The following PPP1R12A variants were observed in gnomAD, a reference collection of about 807,000 sequenced individuals.
PPP1R12A encodes myosin binding subunit.
Under a neutral mutation model 139.6 loss-of-function variants are expected in PPP1R12A, and 19 were observed. The ratio of observed to expected loss-of-function variants is 0.14; its 90% CI spans 0.09 to 0.20. PPP1R12A has a LOEUF of 0.20. Among genes scored for constraint, PPP1R12A ranks in the 10% least tolerant of loss-of-function variants. PPP1R12A has a pLI of 1.00. For missense variants in PPP1R12A, 925 were observed against 1,211.5 expected (o/e 0.76, Z 3.51); for synonymous variants, 427 against 420.6 (o/e 1.02, Z -0.19).
chr12:79,869,970 C>T (rs1882398403), intron 2 of PPP1R12A, among the ~76,000 whole-genome samples: 2 of 151,262 alleles, frequency 1.3e-5, no homozygotes, highest in Admixed American at 1.3e-4. Context: ...AAACACTGAT[C>T]TGTGGACTAT....
At chr12:79,857,059 T>A (rs1200317522) in intron 2 of PPP1R12A, among the ~76,000 whole-genome samples, 2 of 152,238 alleles carry the variant, frequency 1.3e-5, no homozygotes, top group Non-Finnish European at 2.9e-5. Context: ...ATGCTCATCC[T>A]TTTCCAGCCA....
At chr12:79,865,002 A>AGTCT (rs1345039675) in intron 2 of PPP1R12A, among the ~76,000 whole-genome samples, 2 of 152,218 alleles carry the variant, frequency 1.3e-5, no homozygotes, top group African/African-American at 4.8e-5. Flanking sequence ...AAAGCCTGGC[A>AGTCT]GAGACACAAC....
intron 14 of PPP1R12A, among the ~76,000 whole-genome samples, chr12:79,804,412 A>G (rs1454453265): frequency 1.3e-5 from 2 of 152,126 alleles, no homozygotes; most frequent in African/African-American, 2.4e-5. Context: ...GTACCACTAA[A>G]TTTCACCATA....
intron 17 of PPP1R12A, among the ~76,000 whole-genome samples, chr12:79,796,319 GAGAA>G (rs1463444805): frequency 2.0e-5 from 3 of 152,010 alleles, no homozygotes; most frequent in Non-Finnish European, 4.4e-5. Flanking sequence ...ATATATAGTT[GAGAA>G]AGAAATGTAT....
Position 79,845,417 on chromosome 12 carries a change from A to T in PPP1R12A, c.372T>A (p.Phe124Leu). The change falls in exon 3 of 25, where the codon TTT (phenylalanine) becomes TTA (leucine). Residue 124 changes from phenylalanine (F) to leucine (L), a missense_variant. By Grantham distance (22) the Phe-to-Leu change is conservative. Coordinates refer to ENST00000450142, the MANE Select transcript of PPP1R12A (RefSeq NM_002480.3). Reference sequence around the variant, plus strand: ...CTACATGTGCTCCTTGACCAATCAAAAACCTGTAAAACCAAAGGAAAAATA... The same window carrying T: ...CTACATGTGCTCCTTGACCAATCAATAACCTGTAAAACCAAAGGAAAAATA... ...ASCGYLDIAE[F>L]LIGQGAHVGA... The T allele has an allele frequency of 6.3e-7, 1 of 1,593,862 alleles. No homozygotes were observed. The highest frequency in any genetic ancestry group is 8.6e-7 in the Non-Finnish European group (1 of 1,165,754).
At chr12:79,862,647 CA>C (rs1881476411) in intron 2 of PPP1R12A, among the ~76,000 whole-genome samples, 2 of 152,146 alleles carry the variant, frequency 1.3e-5, no homozygotes, top group African/African-American at 4.8e-5. Context: ...CTGAAAACCA[CA>C]GTACGAGAAC....
At chr12:79,860,695 G>A (rs535980520) in intron 2 of PPP1R12A, among the ~76,000 whole-genome samples, 3 of 152,152 alleles carry the variant, frequency 2.0e-5, no homozygotes, top group South Asian at 2.1e-4. Flanking sequence ...AGTATTTTAC[G>A]TAAATTATAA....
At chr12:79,806,521 G>A (rs1350361825) in intron 12 of PPP1R12A, among the ~76,000 whole-genome samples, 188 bp from the exon 13 acceptor site, 2 of 152,044 alleles carry the variant, frequency 1.3e-5, no homozygotes, top group Non-Finnish European at 2.9e-5. Flanking sequence ...CACTTAATTC[G>A]GTAGTGTATC....
intron 1 of PPP1R12A, among the ~76,000 whole-genome samples, chr12:79,903,450 C>CA (rs35870019): frequency 0.24 from 32,469 of 133,776 alleles, 5,861 homozygotes; most frequent in East Asian, 0.63. Context: ...GACTCCATCT[C>CA]AAAAAAAAAA....
intron 2 of PPP1R12A, among the ~76,000 whole-genome samples, chr12:79,857,773 T>C (rs1343520937): frequency 1.3e-5 from 2 of 152,066 alleles, no homozygotes; most frequent in Non-Finnish European, 2.9e-5. Flanking sequence ...TGAGAATCTA[T>C]GTTGCAGTCA....
chr12:79,934,726 G>C lies in PPP1R12A; in HGVS notation c.206C>G (p.Ala69Gly), dbSNP rs1316566958. The stretch of plus-strand genomic sequence containing the variant: ...CAGGGCAGTGAGTCCGTCCACATTG[G>C]CGTAATTGATGTCGGCGCCGCGGTG... ...LLHRGADINY[A>G]NVDGLTALHQ... Residue 69 changes from alanine (A) to glycine (G), a missense_variant, in exon 1 of 25, where the codon GCC becomes GGC. Physicochemically the swap from Ala to Gly is moderately conservative, Grantham distance 60. Around this residue, in one of 4 missense-constraint regions of PPP1R12A, gnomAD observed 199 missense variants for 352.4 expected, o/e 0.56. Transcript: ENST00000450142. 3 of 1,548,946 alleles carry C rather than the reference G, an allele frequency of 1.9e-6. No homozygotes were observed. Among genetic ancestry groups the C allele is most frequent in the South Asian group, 2.4e-5 (2 of 83,910 alleles).
In PPP1R12A at chr12:79,834,503, G is replaced by A. The variant is rs535826615; in HGVS notation, c.488-2012C>T. Among the ~76,000 whole-genome samples, 8 of 152,330 alleles carry A rather than the reference G, an allele frequency of 5.3e-5. No homozygotes were observed. In the South Asian group the frequency reaches 1.7e-3, roughly 32 times the overall value. On this transcript the variant is annotated intron_variant, in intron 3 of 24. Transcript: ENST00000450142. ...AACAAGGGTGGTAGCAGTGCAGACA[G>A]TAAAGTGGTTGAATTCTGGGTTTTT...
rs142638789 is a variant in PPP1R12A, at chr12:79,862,408, C to T, written c.368+10400G>A. Reference sequence around the variant, plus strand: ...AATTCTAAAAACCAGAGCACCTCTACTCCTCCAAAGGAACACAACTCCTCA... The same window carrying T: ...AATTCTAAAAACCAGAGCACCTCTATTCCTCCAAAGGAACACAACTCCTCA... On this transcript the variant is annotated intron_variant, in intron 2 of 24. Coordinates refer to ENST00000450142, the MANE Select transcript of PPP1R12A (RefSeq NM_002480.3). Among the ~76,000 whole-genome samples the T allele has an allele frequency of 4.2e-3, 639 of 152,302 alleles. 2 individuals carry two copies. Among genetic ancestry groups the T allele is most frequent in the African/African-American group, 0.015 (608 of 41,566 alleles).
intron 1 of PPP1R12A, among the ~76,000 whole-genome samples, chr12:79,884,754 C>T (rs892536689): frequency 2.6e-5 from 4 of 152,114 alleles, no homozygotes; most frequent in African/African-American, 9.7e-5. Flanking sequence ...AGAACAATTA[C>T]CAATAATAAA....
rs59586178 is a variant in PPP1R12A at position 79,917,483 on chromosome 12, CAAA to C, written c.237+17209_237+17211del. Among the ~76,000 whole-genome samples, 485 of 78,890 alleles carry C rather than the reference CAAA, an allele frequency of 6.1e-3. 2 individuals carry two copies. Among genetic ancestry groups the C allele is most frequent in the South Asian group, 0.013 (31 of 2,438 alleles). The allele number at this position is 78,890 out of a possible 152,430, so 51.8% of individuals were successfully genotyped here. The stretch of plus-strand genomic sequence containing the variant: ...CTGGTGACGGAGCGAGACTCTGTCT[CAAA>C]AAAAAAAAAAAAAAAAAAAGAGTTT... On this transcript the variant is annotated intron_variant, in intron 1 of 24. Coordinates refer to ENST00000450142, the MANE Select transcript of PPP1R12A (RefSeq NM_002480.3).
intron 1 of PPP1R12A, among the ~76,000 whole-genome samples, chr12:79,902,553 A>C (rs181793312): frequency 2.9e-4 from 44 of 152,164 alleles, no homozygotes; most frequent in African/African-American, 1.0e-3. Flanking sequence ...TTTTAAATGG[A>C]TATTGGCCTT....
At chr12:79,896,572 A>T (rs1351097104) in intron 1 of PPP1R12A, among the ~76,000 whole-genome samples, 1 of 152,132 alleles carries the variant, frequency 6.6e-6, no homozygotes. Context: ...GGCTTAAGTG[A>T]TGCTCCCATC....
Position 79,777,412 on chromosome 12 carries a change from C to G in PPP1R12A, c.3006+1138G>C, listed in dbSNP as rs201946122. The G allele has an allele frequency of 1.2e-5, 12 of 984,804 alleles. No individual in the cohort carries two copies. The East Asian group carries it at 1.2e-3, about 102-fold the overall frequency. 61.0% of individuals were successfully genotyped at this position (984,804 alleles called of 1,614,324 possible). On this transcript the variant is annotated intron_variant, in intron 24 of 24. Transcript: ENST00000450142. ...TGCATAATTAGTTATATGATATGCT[C>G]CAGACACAATGGCATTAATTTGTAA...
rs945650039 is a variant in PPP1R12A, at chr12:79,775,779, T to A, written c.*150A>T. On this transcript the variant is annotated 3_prime_UTR_variant, in exon 25 of 25. Transcript: ENST00000450142. Reference sequence around the variant, plus strand: ...AAACACCCCAGAAAATTAAACAAAATGAAACAAAAATTCTAGATAAGAGGG... The same window carrying A: ...AAACACCCCAGAAAATTAAACAAAAAGAAACAAAAATTCTAGATAAGAGGG... 4.6e-5 allele frequency: 21 copies of A among 457,042 alleles called. No individual in the cohort carries two copies. Among genetic ancestry groups the A allele is most frequent in the South Asian group, 2.0e-4 (3 of 14,834 alleles). 28.3% of individuals were successfully genotyped at this position (457,042 alleles called of 1,614,324 possible).
Sources: gnomAD v4.1 joint callset for allele counts (sites outside exome capture counted in the v4.1 genomes callset) on GRCh38, gnomAD v4.1.1 for gene constraint, gnomAD v4.1.1 regional missense constraint, MANE v1.5 for transcripts, NCBI Gene and HGNC (gene_info 2026-07-23, HGNC 2026-07-21) for gene names.